Variants in NAALADL2 observed in about 807,000 individuals in gnomAD.
NAALADL2 encodes the protein N-acetylated alpha-linked acidic dipeptidase like 2.
NAALADL2 carries 76 observed loss-of-function variants against 87.2 expected under a neutral mutation model. The observed-to-expected ratio is 0.87, with a 90% CI of 0.72 to 1.05. The LOEUF is 1.05. Among genes scored for constraint, NAALADL2 ranks in the 50% least tolerant of loss-of-function variants. The pLI is 0.00. For missense variants in NAALADL2, 1,089 were observed against 945.8 expected, an observed-to-expected ratio of 1.15 and a Z score of -1.99; for synonymous variants, 354 against 331.0, an observed-to-expected ratio of 1.07 and a Z score of -0.75.
At chr3:175,791,707 C>T (rs997257596) in intron 13 of NAALADL2, among the ~76,000 whole-genome samples, 1 of 152,002 alleles carries the variant, frequency 6.6e-6, no homozygotes, top group African/African-American at 2.4e-5. Context: ...GCTTCATTCT[C>T]AATGTCTTCT....
chr3:175,787,929 T>G (rs1226052108), intron 13 of NAALADL2, among the ~76,000 whole-genome samples: 1 of 152,056 alleles, frequency 6.6e-6, no homozygotes, highest in Non-Finnish European at 1.5e-5. Context: ...TATAAATAAA[T>G]TTAGTATAGC....
At chr3:175,295,374 G>A (rs114921761) in intron 4 of NAALADL2, among the ~76,000 whole-genome samples, 27 of 152,134 alleles carry the variant, frequency 1.8e-4, no homozygotes, top group African/African-American at 4.6e-4. Flanking sequence ...ACCTGAATTC[G>A]TTTCTTTTCC....
intron 10 of NAALADL2, among the ~76,000 whole-genome samples, chr3:175,606,001 C>T (rs917380088): frequency 1.3e-4 from 20 of 152,166 alleles, no homozygotes; most frequent in African/African-American, 3.6e-4. Flanking sequence ...TGACGACATT[C>T]TTCAAGCCTG....
At chr3:175,455,556 A>G (rs923415384) in intron 6 of NAALADL2, among the ~76,000 whole-genome samples, 1 of 152,122 alleles carries the variant, frequency 6.6e-6, no homozygotes, top group Non-Finnish European at 1.5e-5. Context: ...TAAAAAGAAT[A>G]CGATTTAATT....
chr3:175,397,278 C>T (rs554534558), intron 5 of NAALADL2: 1 of 152,200 alleles, frequency 6.6e-6, no homozygotes, highest in African/African-American at 2.4e-5. Context: ...GCATGTCATC[C>T]TTTCACAGAG....
intron 2 of NAALADL2, among the ~76,000 whole-genome samples, chr3:174,579,433 T>C (rs983139261): frequency 2.6e-5 from 4 of 151,910 alleles, no homozygotes; most frequent in South Asian, 4.2e-4. Flanking sequence ...AAACATGATG[T>C]TGAGGAAAAG....
intron 2 of NAALADL2, among the ~76,000 whole-genome samples, chr3:175,148,353 T>C (rs1403459569): frequency 1.3e-5 from 2 of 152,018 alleles, no homozygotes; most frequent in African/African-American, 2.4e-5. Context: ...CTTTGTGGGA[T>C]ACTTAATTTG....
chr3:175,487,138 GA>G (rs1727393176), intron 9 of NAALADL2, among the ~76,000 whole-genome samples: 2 of 152,188 alleles, frequency 1.3e-5, no homozygotes, highest in African/African-American at 4.8e-5. Flanking sequence ...TTACTTGACT[GA>G]CCCTATCTAC....
At chr3:174,700,117 A>T (rs1161745119) in intron 2 of NAALADL2, among the ~76,000 whole-genome samples, 1 of 151,964 alleles carries the variant, frequency 6.6e-6, no homozygotes. Flanking sequence ...TCTGAAAAAA[A>T]AAATGTATTT....
intron 4 of NAALADL2, among the ~76,000 whole-genome samples, chr3:175,278,039 T>C (rs1169354192): frequency 6.6e-6 from 1 of 152,150 alleles, no homozygotes; most frequent in Non-Finnish European, 1.5e-5. Context: ...GGCAGGAGAA[T>C]GGCGTGAACC....
intron 12 of NAALADL2, among the ~76,000 whole-genome samples, chr3:175,754,126 A>T (rs1394379505): frequency 6.6e-6 from 1 of 152,220 alleles, no homozygotes; most frequent in East Asian, 1.9e-4. Flanking sequence ...CTTGAATCAC[A>T]TCAGCTGAGA....
At chr3:174,645,825 G>C (rs981234493) in intron 2 of NAALADL2, among the ~76,000 whole-genome samples, 1 of 152,134 alleles carries the variant, frequency 6.6e-6, no homozygotes, top group African/African-American at 2.4e-5. Context: ...GATGGATTCA[G>C]AATGATATTG....
At chr3:175,537,474 TTGAC>T (rs1711506847) in intron 9 of NAALADL2, among the ~76,000 whole-genome samples, 1 of 152,236 alleles carries the variant, frequency 6.6e-6, no homozygotes, top group South Asian at 2.1e-4. Context: ...AAGGTTTATA[TTGAC>T]TTTTACAATT....
intron 2 of NAALADL2, among the ~76,000 whole-genome samples, chr3:175,101,203 T>G (rs1722107777): frequency 6.6e-6 from 1 of 152,246 alleles, no homozygotes; most frequent in Non-Finnish European, 1.5e-5. Context: ...TTGCAATTTA[T>G]TCTAGCTTTT....
intron 12 of NAALADL2, among the ~76,000 whole-genome samples, chr3:175,750,906 A>C (rs985046848): frequency 1.3e-5 from 2 of 152,158 alleles, no homozygotes; most frequent in African/African-American, 4.8e-5. Flanking sequence ...TTAGAATAAC[A>C]TATAAAAAAG....
intron 3 of NAALADL2, among the ~76,000 whole-genome samples, chr3:174,749,504 GAAAAA>G (rs57331910): frequency 7.0e-6 from 1 of 143,148 alleles, no homozygotes. Flanking sequence ...TAGTAGTTAG[GAAAAA>G]AAAAAAACAG....
chr3:174,895,012 A>G (rs1356177258), intron 1 of NAALADL2, among the ~76,000 whole-genome samples: 2 of 152,128 alleles, frequency 1.3e-5, no homozygotes, highest in East Asian at 1.9e-4. Flanking sequence ...ACCAAAACCT[A>G]TGGTATACAG....
chr3:174,530,329 T>G (rs183306684), intron 1 of NAALADL2, among the ~76,000 whole-genome samples: 262 of 152,214 alleles, frequency 1.7e-3, no homozygotes, highest in African/African-American at 6.0e-3. Context: ...TTAGCCTGGA[T>G]TTCATTGTCT....
chr3:174,870,007 CAAAAAA>C (rs71624295), intron 1 of NAALADL2, among the ~76,000 whole-genome samples: 3 of 62,858 alleles, frequency 4.8e-5, no homozygotes, highest in Non-Finnish European at 8.8e-5. Context: ...CCCCACCCGC[CAAAAAA>C]AAAAAAAAAA....
Sources: gnomAD v4.1 joint callset for allele counts (sites outside exome capture counted in the v4.1 genomes callset) on GRCh38, gnomAD v4.1.1 for gene constraint, MANE v1.5 for transcripts, NCBI Gene and HGNC (gene_info 2026-07-23, HGNC 2026-07-21) for gene names.